CHD7: variants seen among roughly 807,000 people sequenced by gnomAD.
The protein encoded by CHD7 is ATP-dependent chromatin remodeler CHD7.
Under a neutral mutation model 307.3 loss-of-function variants are expected in CHD7, and 24 were observed. The ratio of observed to expected loss-of-function variants is 0.08; its 90% CI spans 0.06 to 0.11. The LOEUF is 0.11. Ranked by LOEUF, CHD7 falls within the 10% of genes least tolerant of loss-of-function variation. The pLI is 1.00. For missense variants in CHD7, 3,106 were observed against 3,727.1 expected (o/e 0.83, Z 4.34); for synonymous variants, 1,363 against 1,349.9 (o/e 1.01, Z -0.21).
chr8:60,859,533 C>G (rs770333132), intron 34 of CHD7, among the ~76,000 whole-genome samples: 5 of 152,172 alleles, frequency 3.3e-5, no homozygotes, highest in Admixed American at 6.5e-5. Flanking sequence ...CAAGGGATGT[C>G]TAGGGTACTT....
At chr8:60,684,093 G>T (rs56371309) in intron 1 of CHD7, among the ~76,000 whole-genome samples, 16,883 of 151,812 alleles carry the variant, frequency 0.11, 1,303 homozygotes, top group East Asian at 0.31. Flanking sequence ...GGATTTTTTT[G>T]GGGTTTCTGT....
chr8:60,769,007 A>G (rs372637986), intron 2 of CHD7, among the ~76,000 whole-genome samples: 1 of 152,272 alleles, frequency 6.6e-6, no homozygotes, highest in African/African-American at 2.4e-5. Flanking sequence ...ATATTCTGTC[A>G]TAAGTCATCT....
At chr8:60,848,662 A>G (rs1805317254) in intron 24 of CHD7, 58 bp downstream of exon 24, 1 of 1,325,280 alleles carries the variant, frequency 7.5e-7, no homozygotes. Context: ...GTAGCCGGAA[A>G]ACATCATGGA....
intron 1 of CHD7, among the ~76,000 whole-genome samples, chr8:60,725,619 T>A (rs1563546247): frequency 1.3e-5 from 2 of 152,230 alleles, no homozygotes; most frequent in Admixed American, 1.3e-4. Context: ...ATTAAGCATC[T>A]GCATTATAGG....
Position 60,742,868 on chromosome 8 carries a change from G to A in CHD7, c.1436G>A (p.Gly479Asp), listed in dbSNP as rs1255487219. The change falls in exon 2 of 38, where the codon GGT (glycine) becomes GAT (aspartate). Residue 479 changes from glycine (G) to aspartate (D), a missense_variant. Coordinates refer to ENST00000423902, the MANE Select transcript of CHD7 (RefSeq NM_017780.4). ...RELTGHMRPN[G>D]CPGVGLGDPQ... is the part of the protein sequence containing the mutation. ...TTGACTGGGCACATGAGGCCAAATG[G>A]TTGTCCTGGTGTTGGCCTTGGAGAC... 1 of 1,612,358 alleles carries A rather than the reference G, an allele frequency of 6.2e-7. No homozygotes were observed. Among genetic ancestry groups the A allele is most frequent in the African/African-American group, 1.3e-5 (1 of 74,884 alleles).
At chr8:60,702,628 C>T (rs188201886) in intron 1 of CHD7, among the ~76,000 whole-genome samples, 1 of 152,342 alleles carries the variant, frequency 6.6e-6, no homozygotes, top group East Asian at 1.9e-4. Context: ...TTACAGCTTT[C>T]TAGTTGCTGG....
rs761225764 is a variant in CHD7 at position 60,741,732 on chromosome 8, T to C, written c.300T>C (p.Ser100=). Residue 100 remains serine (S), a synonymous_variant, in exon 2 of 38, where the codon TCT becomes TCC. Transcript: ENST00000423902. The stretch of plus-strand genomic sequence containing the variant: ...ACACCCCTGGGAACGGACTCGCGTC[T>C]CCGCACTCGCAGTATCACACCCCTC... ...MSNTPGNGLA[S]PHSQYHTPPV... is the part of the protein sequence containing the mutation. 8 of 1,613,970 alleles carry C rather than the reference T, an allele frequency of 5.0e-6. No individual in the cohort carries two copies. Among genetic ancestry groups the C allele is most frequent in the South Asian group, 4.4e-5 (4 of 91,062 alleles).
chr8:60,727,073 T>C (rs1330694914), intron 1 of CHD7, among the ~76,000 whole-genome samples: 2 of 152,228 alleles, frequency 1.3e-5, no homozygotes, highest in Non-Finnish European at 2.9e-5. Context: ...AATGTACTTA[T>C]GCTCCTAATA....
rs1443053324 is a variant in CHD7, at chr8:60,832,027, G to T, written c.3778+1450G>T. Among the ~76,000 whole-genome samples the T allele has an allele frequency of 3.3e-5, 5 of 150,878 alleles. No homozygotes were observed. The South Asian group carries it at 6.3e-4, about 19-fold the overall frequency. On this transcript the variant is annotated intron_variant, in intron 15 of 37. Transcript: ENST00000423902. ...TTTCTTTTTTATATATATATACACA[G>T]TTTTTTTTTCTTGAGATAGGTTCTC...
At chr8:60,843,430 T>C (rs963090927) in intron 21 of CHD7, among the ~76,000 whole-genome samples, 22 of 152,314 alleles carry the variant, frequency 1.4e-4, no homozygotes, top group African/African-American at 5.3e-4. Flanking sequence ...AGCTAAGAAG[T>C]GTGCTTAGCG....
At chr8:60,723,405 C>T (rs533462094) in intron 1 of CHD7, among the ~76,000 whole-genome samples, 2 of 152,172 alleles carry the variant, frequency 1.3e-5, no homozygotes, top group East Asian at 3.9e-4. Flanking sequence ...AAGCCTGCAC[C>T]TCAGTTATAC....
chr8:60,734,201 G>T (rs1808592023), intron 1 of CHD7, among the ~76,000 whole-genome samples: 1 of 152,186 alleles, frequency 6.6e-6, no homozygotes, highest in Admixed American at 6.5e-5. Flanking sequence ...TATCCTGTAG[G>T]AGGAGCTCAG....
chr8:60,780,043 T>A lies in CHD7; in HGVS notation c.1666-957T>A, dbSNP rs141693191. Among the ~76,000 whole-genome samples the A allele has an allele frequency of 3.5e-3, 534 of 152,328 alleles. 1 individual carries two copies. Among genetic ancestry groups the A allele is most frequent in the Admixed American group, 7.3e-3 (112 of 15,302 alleles). ...GCAGGAAATGAGAGACATATGTAGA[T>A]TTAATATTTTCAAGTATTTTGTTGA... On this transcript the variant is annotated intron_variant, in intron 2 of 37. Transcript: ENST00000423902.
chr8:60,802,096 G>A (rs779219099), intron 6 of CHD7, among the ~76,000 whole-genome samples: 1 of 152,156 alleles, frequency 6.6e-6, no homozygotes, highest in African/African-American at 2.4e-5. Flanking sequence ...TCTATTTTCA[G>A]TGTAATTTTA....
chr8:60,745,691 GAA>G (rs1563565177), intron 2 of CHD7, among the ~76,000 whole-genome samples: 2 of 152,120 alleles, frequency 1.3e-5, no homozygotes, highest in African/African-American at 4.8e-5. Flanking sequence ...ACTCAGTTTT[GAA>G]CATAAGGCTA....
intron 2 of CHD7, among the ~76,000 whole-genome samples, chr8:60,747,645 A>AG (rs1269000891): frequency 6.6e-6 from 1 of 152,248 alleles, no homozygotes; most frequent in Non-Finnish European, 1.5e-5. Flanking sequence ...GAAAAAGCAA[A>AG]TAACATCTCA....
At position 60,679,021 on chromosome 8, in the gene CHD7, G is replaced by C. The variant is rs1254322616; in HGVS notation, c.-236G>C. 1 of 151,098 alleles carries C rather than the reference G, an allele frequency of 6.6e-6. No individual in the cohort carries two copies. Among genetic ancestry groups the C allele is most frequent in the Admixed American group, 6.6e-5 (1 of 15,142 alleles). The allele number at this position is 151,098 out of a possible 1,614,324, so 9.4% of individuals were successfully genotyped here. ...GGCCGCAGCTGCCGAGCCAACTCCG[G>C]AGCCCGCTCTGCGTTTTGTTTTCCC... On this transcript the variant is annotated 5_prime_UTR_variant, in exon 1 of 38. Transcript: ENST00000423902.
At chr8:60,701,224 A>C (rs1250547188) in intron 1 of CHD7, among the ~76,000 whole-genome samples, 1 of 152,252 alleles carries the variant, frequency 6.6e-6, no homozygotes, top group Non-Finnish European at 1.5e-5. Flanking sequence ...AAATGTTCAC[A>C]GGTTATGTAG....
intron 16 of CHD7, 117 bp downstream of exon 16, chr8:60,836,400 A>G (rs1804743254): frequency 1.3e-6 from 1 of 750,888 alleles, no homozygotes; most frequent in Non-Finnish European, 2.1e-6. Context: ...GGGGAAGTGC[A>G]TCACATGTCA....
Sources: allele counts gnomAD v4.1 joint callset (sites outside exome capture counted in the v4.1 genomes callset), GRCh38; gene constraint gnomAD v4.1.1; transcripts MANE v1.5; gene names NCBI Gene and HGNC (gene_info 2026-07-23, HGNC 2026-07-21).